The following CADM2 variants were observed in gnomAD, a reference collection of about 807,000 sequenced individuals.
CADM2 encodes cell adhesion molecule 2, also known as immunoglobulin superfamily member 4D.
In CADM2, 12 loss-of-function variants were observed where a neutral mutation model predicts 49.8. The ratio of observed to expected loss-of-function variants is 0.24; its 90% confidence interval spans 0.15 to 0.39. CADM2 has a LOEUF of 0.39. CADM2 is among the 10% of genes least tolerant of loss of function. The probability of loss-of-function intolerance (pLI) is 1.00; values close to 1 mark genes in which losing one functional copy is unlikely to be tolerated. For synonymous variants in CADM2, 214 were observed against 175.4 expected (o/e 1.22, Z -1.74); for missense variants, 378 against 492.3 (o/e 0.77, Z 2.20).
chr3:85,552,369 T>G (rs1270073327), intron 1 of CADM2, among the ~76,000 whole-genome samples: 7 of 6,828 alleles, frequency 1.0e-3, no homozygotes, highest in African/African-American at 1.6e-3. Flanking sequence ...TTGAAAAGTT[T>G]TTTTTTTTTT....
intron 8 of CADM2, among the ~76,000 whole-genome samples, chr3:86,027,677 T>C (rs1559810339): frequency 6.6e-6 from 1 of 152,316 alleles, no homozygotes; most frequent in East Asian, 1.9e-4. Context: ...TGAATGATTT[T>C]ATCATATTAA....
intron 1 of CADM2, among the ~76,000 whole-genome samples, chr3:85,021,968 C>T (rs2034531099): frequency 6.6e-6 from 1 of 152,120 alleles, no homozygotes; most frequent in South Asian, 2.1e-4. Flanking sequence ...TATGGCTCCT[C>T]ATAGAGGAAC....
chr3:84,976,839 T>G (rs12714616), intron 1 of CADM2, among the ~76,000 whole-genome samples: 35,160 of 151,846 alleles, frequency 0.23, 5,274 homozygotes, highest in Non-Finnish European at 0.34. Context: ...TCATCTTATC[T>G]TTTCAAATGC....
intron 1 of CADM2, among the ~76,000 whole-genome samples, chr3:85,645,459 C>T (rs1191525014): frequency 6.6e-6 from 1 of 151,902 alleles, no homozygotes; most frequent in Non-Finnish European, 1.5e-5. Context: ...AGTAAGTTTC[C>T]TCTCTCACTT....
intron 3 of CADM2, among the ~76,000 whole-genome samples, chr3:85,869,236 A>T (rs1474397899): frequency 6.6e-6 from 1 of 151,938 alleles, no homozygotes; most frequent in Non-Finnish European, 1.5e-5. Flanking sequence ...ATGTCACTTT[A>T]CTCACTTTTT....
chr3:85,930,911 A>C (rs1475383949), intron 6 of CADM2, among the ~76,000 whole-genome samples: 3 of 149,394 alleles, frequency 2.0e-5, no homozygotes, highest in Non-Finnish European at 4.4e-5. Flanking sequence ...TTAATATATT[A>C]ATAATTATAT....
chr3:85,590,067 G>A (rs543830779), intron 1 of CADM2, among the ~76,000 whole-genome samples: 5 of 152,038 alleles, frequency 3.3e-5, no homozygotes, highest in African/African-American at 1.2e-4. Flanking sequence ...TATTTACATG[G>A]TAATAAATAT....
At chr3:85,568,004 A>C (rs1485533390) in intron 1 of CADM2, among the ~76,000 whole-genome samples, 1 of 152,158 alleles carries the variant, frequency 6.6e-6, no homozygotes, top group Non-Finnish European at 1.5e-5. Flanking sequence ...TTTGGATGGT[A>C]CCCACACACA....
intron 1 of CADM2, among the ~76,000 whole-genome samples, chr3:85,338,502 CATT>C (rs149248944): frequency 4.0e-5 from 6 of 151,506 alleles, no homozygotes; most frequent in Non-Finnish European, 7.4e-5. Context: ...TTATCACCAT[CATT>C]ATAGCAAATT....
rs567508634 is a variant in CADM2 at position 85,561,825 on chromosome 3, A to G, written c.62-164697A>G. ...TCAGACTTTTCGTTGATCTAATTTA[A>G]GACTTTATTCAAATTTACTAAATGC... On this transcript the variant is annotated intron_variant, in intron 1 of 9. Coordinates refer to ENST00000383699, the MANE Select transcript of CADM2 (RefSeq NM_001167675.2). Among the ~76,000 whole-genome samples, 13 of 152,294 alleles carry G rather than the reference A, an allele frequency of 8.5e-5. No individual in the cohort carries two copies. In the South Asian group the frequency reaches 2.7e-3, roughly 32 times the overall value.
chr3:85,445,154 T>C (rs958686744), intron 1 of CADM2, among the ~76,000 whole-genome samples: 4 of 152,116 alleles, frequency 2.6e-5, no homozygotes, highest in Non-Finnish European at 5.9e-5. Flanking sequence ...ACTTAGGGAA[T>C]TTCAATGATT....
At chr3:85,365,005 C>T (rs149938965) in intron 1 of CADM2, among the ~76,000 whole-genome samples, 1 of 152,160 alleles carries the variant, frequency 6.6e-6, no homozygotes, top group African/African-American at 2.4e-5. Context: ...ACATGGTTAG[C>T]ATATTTGCAA....
At chr3:85,828,260 C>T (rs1459226316) in intron 3 of CADM2, among the ~76,000 whole-genome samples, 5 of 151,900 alleles carry the variant, frequency 3.3e-5, no homozygotes, top group African/African-American at 1.2e-4. Flanking sequence ...ACGGGTAAAG[C>T]AGTTGTAATA....
Position 85,121,057 on chromosome 3 carries a change from C to T in CADM2, c.61+161389C>T, listed in dbSNP as rs572391356. Among the ~76,000 whole-genome samples, 5 of 152,234 alleles carry T rather than the reference C, an allele frequency of 3.3e-5. No individual in the cohort carries two copies. The South Asian group carries it at 1.0e-3, about 32-fold the overall frequency. ...ATAGTCCACTTGAGACAAGGAGGCA[C>T]CTGTTGTTCTGCCTTGATTATGTCT... On this transcript the variant is annotated intron_variant, in intron 1 of 9. Coordinates refer to ENST00000383699, the MANE Select transcript of CADM2 (RefSeq NM_001167675.2).
chr3:85,419,563 T>G (rs1270842940), intron 1 of CADM2, among the ~76,000 whole-genome samples: 3 of 152,200 alleles, frequency 2.0e-5, no homozygotes, highest in African/African-American at 7.2e-5. Context: ...CCATCTTTGT[T>G]TTTGTATATT....
At chr3:85,633,053 G>A (rs769885338) in intron 1 of CADM2, among the ~76,000 whole-genome samples, 15 of 152,008 alleles carry the variant, frequency 9.9e-5, no homozygotes, top group Non-Finnish European at 1.8e-4. Context: ...TCAAGTACAC[G>A]TACTATTTGT....
intron 1 of CADM2, among the ~76,000 whole-genome samples, chr3:85,692,421 G>T (rs1314660360): frequency 6.6e-6 from 1 of 152,178 alleles, no homozygotes; most frequent in Non-Finnish European, 1.5e-5. Context: ...AATAATAAAA[G>T]AAGTTGTTTA....
At chr3:85,291,306 A>C (rs1320888074) in intron 1 of CADM2, among the ~76,000 whole-genome samples, 1 of 151,726 alleles carries the variant, frequency 6.6e-6, no homozygotes, top group African/African-American at 2.4e-5. Flanking sequence ...CCAAATCTAC[A>C]TCTGATTGGT....
chr3:85,407,032 C>A (rs1270450225), intron 1 of CADM2, among the ~76,000 whole-genome samples: 1 of 151,728 alleles, frequency 6.6e-6, no homozygotes, highest in Non-Finnish European at 1.5e-5. Flanking sequence ...CTTGTTCCTA[C>A]AAAAAATAAA....
Sources: gnomAD v4.1 joint callset for allele counts (sites outside exome capture counted in the v4.1 genomes callset) on GRCh38, gnomAD v4.1.1 for gene constraint, MANE v1.5 for transcripts, NCBI Gene and HGNC (gene_info 2026-07-23, HGNC 2026-07-21) for gene names.